Variants in ADCY8 observed in about 807,000 individuals in gnomAD.
ADCY8 encodes the protein adenylate cyclase type 8.
In ADCY8, 51 loss-of-function variants were observed where a neutral mutation model predicts 119.7. That is an observed-to-expected ratio of 0.43 (90% CI 0.34 to 0.54). The LOEUF (loss-of-function observed/expected upper bound fraction) is 0.54. Ranked by LOEUF, ADCY8 falls within the 20% of genes least tolerant of loss-of-function variation. The probability of loss-of-function intolerance (pLI) is 0.03; values close to 1 mark genes in which losing one functional copy is unlikely to be tolerated. For missense variants in ADCY8, 1,383 were observed against 1,598.8 expected (o/e 0.87, Z 2.30); for synonymous variants, 665 against 651.0 (o/e 1.02, Z -0.33).
At chr8:130,933,648 A>T (rs2130615869) in intron 5 of ADCY8, among the ~76,000 whole-genome samples, 1 of 152,352 alleles carries the variant, frequency 6.6e-6, no homozygotes, top group South Asian at 2.1e-4. Context: ...TTTGAAAAAG[A>T]CTTTGAATCA....
chr8:130,983,806 T>C (rs1214475996), intron 2 of ADCY8, among the ~76,000 whole-genome samples: 3 of 152,192 alleles, frequency 2.0e-5, no homozygotes, highest in Non-Finnish European at 2.9e-5. Flanking sequence ...TACACCTCCC[T>C]TCTCAAATGA....
Position 130,780,735 on chromosome 8 carries a change from A to G in ADCY8, c.3411T>C (p.Tyr1137=). 6.2e-7 allele frequency: 1 copy of G among 1,614,188 alleles called. No homozygotes were observed. Among genetic ancestry groups the G allele is most frequent in the Non-Finnish European group, 8.5e-7 (1 of 1,180,022 alleles). ...SGRIQVPEET[Y]LILKDQGFAF... is the part of the protein sequence containing the mutation. Reference sequence around the variant, plus strand: ...CAAAGCCCTGGTCCTTCAGGATGAGATAGGTCTCCTCTGGGACTTGGATCC... The same window carrying G: ...CAAAGCCCTGGTCCTTCAGGATGAGGTAGGTCTCCTCTGGGACTTGGATCC... The change falls in exon 18 of 18, where the codon TAT becomes TAC. Residue 1137 remains tyrosine (Y), a synonymous_variant. Coordinates refer to ENST00000286355, the MANE Select transcript of ADCY8 (RefSeq NM_001115.3).
At chr8:130,881,160 A>C (rs1818756575) in intron 8 of ADCY8, among the ~76,000 whole-genome samples, 2 of 152,208 alleles carry the variant, frequency 1.3e-5, no homozygotes, top group African/African-American at 4.8e-5. Flanking sequence ...TAGAGTTCAC[A>C]AAAAATATCC....
At chr8:130,909,920 T>C (rs893667693) in intron 5 of ADCY8, 54 bp from the exon 6 acceptor site, 14 of 1,547,110 alleles carry the variant, frequency 9.0e-6, no homozygotes, top group African/African-American at 4.1e-5. Context: ...GTGGGCATCG[T>C]TGGCTCTGCA....
chr8:130,829,558 C>G (rs182782620), intron 12 of ADCY8, among the ~76,000 whole-genome samples: 10 of 151,852 alleles, frequency 6.6e-5, no homozygotes, highest in Admixed American at 3.3e-4. Flanking sequence ...ATGTTTAGGA[C>G]AAGTCAGAAG....
At chr8:130,869,518 G>GTTTT (rs141048498) in intron 8 of ADCY8, among the ~76,000 whole-genome samples, 1 of 118,770 alleles carries the variant, frequency 8.4e-6, no homozygotes, top group Admixed American at 8.2e-5. Context: ...ATTTTTTTTT[G>GTTTT]TTTTTTTGTT....
At chr8:131,035,609 T>G (rs1824129065) in intron 1 of ADCY8, among the ~76,000 whole-genome samples, 1 of 152,158 alleles carries the variant, frequency 6.6e-6, no homozygotes, top group Non-Finnish European at 1.5e-5. Flanking sequence ...GTTGCTACCC[T>G]GTCAAGTCAC....
intron 2 of ADCY8, among the ~76,000 whole-genome samples, chr8:130,959,143 C>A (rs1051825615): frequency 6.6e-6 from 1 of 151,998 alleles, no homozygotes; most frequent in Admixed American, 6.5e-5. Flanking sequence ...ATTGTATTAC[C>A]GGTTTTTAAA....
chr8:130,793,923 T>C (rs1249125233), intron 15 of ADCY8, among the ~76,000 whole-genome samples: 2 of 152,156 alleles, frequency 1.3e-5, no homozygotes, highest in Admixed American at 1.3e-4. Context: ...GTGATCTTCT[T>C]TGGAAATAAG....
chr8:130,800,523 A>G lies in ADCY8; in HGVS notation c.2963T>C (p.Ile988Thr). 6.2e-7 allele frequency: 1 copy of G among 1,614,150 alleles called. No individual in the cohort carries two copies. The highest frequency in any genetic ancestry group is 8.5e-7 in the Non-Finnish European group (1 of 1,180,010). The change falls in exon 15 of 18, where the codon ATC (isoleucine) becomes ACC (threonine). Residue 988 changes from isoleucine to threonine, a missense_variant. By Grantham distance (89) the Ile-to-Thr change is moderately conservative. Around this residue, in one of 2 missense-constraint regions of ADCY8, gnomAD observed 928 missense variants for 1,163.5 expected, o/e 0.80. Coordinates refer to ENST00000286355, the MANE Select transcript of ADCY8 (RefSeq NM_001115.3). The part of the protein sequence containing the change: ...YDAVGVMFAS[I>T]PGFADFYSQT... ...AGAGTAAAAGTCCGCAAATCCTGGG[A>G]TGGAGGCAAACATCACCCCAACAGC...
chr8:130,936,585 T>C (rs1820794405), intron 5 of ADCY8, among the ~76,000 whole-genome samples: 1 of 152,280 alleles, frequency 6.6e-6, no homozygotes, highest in East Asian at 1.9e-4. Flanking sequence ...ATCCTGTCAA[T>C]GTCCACCCAC....
rs7815654 is a variant in ADCY8, at chr8:131,039,538, G to T, written c.796C>A (p.Leu266Ile). The change falls in exon 1 of 18, where the codon CTC becomes ATC. Residue 266 changes from leucine to isoleucine, a missense_variant. Physicochemically the swap from Leu to Ile is conservative, Grantham distance 5. Coordinates refer to ENST00000286355, the MANE Select transcript of ADCY8 (RefSeq NM_001115.3). ...ACGTAGCCTATGCCGTCGCCCAGGA[G>T]CCCGTAGCCGAGGCCTGCTGCCAGG... ...QILAAGLGYG[L>I]LGDGIGYVLF... 11 of 1,613,822 alleles carry T rather than the reference G, an allele frequency of 6.8e-6. No homozygotes were observed. In the African/African-American group the frequency reaches 1.3e-4, roughly 20 times the overall value.
At chr8:130,974,457 T>C (rs1483138514) in intron 2 of ADCY8, among the ~76,000 whole-genome samples, 4 of 152,188 alleles carry the variant, frequency 2.6e-5, no homozygotes, top group Non-Finnish European at 5.9e-5. Flanking sequence ...ATTTGTGAGC[T>C]TGAAATCAAA....
chr8:131,028,873 C>T (rs1027375598), intron 1 of ADCY8, among the ~76,000 whole-genome samples: 6 of 152,202 alleles, frequency 3.9e-5, no homozygotes, highest in African/African-American at 1.4e-4. Context: ...GGGAGTACCT[C>T]CTGCCCCCAG....
chr8:130,879,275 A>C (rs1314002726), intron 8 of ADCY8, among the ~76,000 whole-genome samples: 1 of 152,360 alleles, frequency 6.6e-6, no homozygotes, highest in East Asian at 1.9e-4. Flanking sequence ...GTGTGTAAAG[A>C]AGGCTCACAA....
Position 130,849,669 on chromosome 8 carries a change from T to G in ADCY8, c.2345A>C (p.Tyr782Ser). Reference protein sequence around the residue: ...RKTCCWINETYLARNVIIFAS... With the variant: ...RKTCCWINETSLARNVIIFAS... ...AAAGATGATGACGTTCCGGGCCAAA[T>G]AGGTCTCATTAATCCAACAGCAAGT... Residue 782 changes from tyrosine (Y) to serine (S), a missense_variant, in exon 10 of 18, where the codon TAT (tyrosine) becomes TCT (serine). Around this residue, in one of 2 missense-constraint regions of ADCY8, gnomAD observed 928 missense variants for 1,163.5 expected, o/e 0.80. Coordinates refer to ENST00000286355, the MANE Select transcript of ADCY8 (RefSeq NM_001115.3). The G allele has an allele frequency of 6.2e-7, 1 of 1,614,038 alleles. No individual in the cohort carries two copies. The highest frequency in any genetic ancestry group is 8.5e-7 in the Non-Finnish European group (1 of 1,179,934).
intron 1 of ADCY8, among the ~76,000 whole-genome samples, chr8:131,008,799 T>C (rs1177968460): frequency 6.6e-6 from 1 of 152,106 alleles, no homozygotes; most frequent in African/African-American, 2.4e-5. Flanking sequence ...AAAATTCTGA[T>C]AGTGATATGG....
In ADCY8 at chr8:130,837,971, A is replaced by C. The variant is rs143397181; in HGVS notation, c.2503-1522T>G. 9.2e-5 allele frequency among the ~76,000 whole-genome samples: 14 copies of C among 152,342 alleles called. No homozygotes were observed. In the East Asian group the frequency reaches 2.7e-3, roughly 29 times the overall value. ...GACTCTAGTTAAAATATTGGACTTG[A>C]TAATTTCTAAAATTCTTTTTGGTCT... On this transcript the variant is annotated intron_variant, in intron 11 of 17. Transcript: ENST00000286355.
chr8:130,811,313 C>T (rs570414874), intron 14 of ADCY8, among the ~76,000 whole-genome samples: 1 of 152,292 alleles, frequency 6.6e-6, no homozygotes, highest in Admixed American at 6.5e-5. Flanking sequence ...GCTCTGCCCT[C>T]TATGGTCCTA....
Sources: allele counts gnomAD v4.1 joint callset (sites outside exome capture counted in the v4.1 genomes callset), GRCh38; gene constraint gnomAD v4.1.1; regional missense constraint gnomAD v4.1.1; transcripts MANE v1.5; gene names NCBI Gene and HGNC (gene_info 2026-07-23, HGNC 2026-07-21).